TERF1: variants seen among roughly 807,000 people sequenced by gnomAD.
TERF1 encodes the protein telomeric repeat-binding factor 1.
A neutral mutation model predicts 55.1 loss-of-function variants in TERF1; 20 were observed. The observed-to-expected ratio is 0.36, with a 90% confidence interval of 0.26 to 0.53. The LOEUF (loss-of-function observed/expected upper bound fraction) is 0.53, where lower values mean the gene tolerates loss of function less well. Ranked by LOEUF, TERF1 falls within the 20% of genes least tolerant of loss-of-function variation. TERF1 has a pLI of 0.91. For missense variants in TERF1, 439 were observed against 535.7 expected (o/e 0.82, Z 1.78); for synonymous variants, 168 against 181.2 (o/e 0.93, Z 0.59).
intron 8 of TERF1, among the ~76,000 whole-genome samples, chr8:73,037,652 T>C: frequency 1.4e-5 from 1 of 70,046 alleles, no homozygotes; most frequent in Non-Finnish European, 2.6e-5. Context: ...TAATATATAT[T>C]ATATGTATAA....
intron 8 of TERF1, among the ~76,000 whole-genome samples, chr8:73,034,847 C>T (rs1317364525): frequency 6.6e-6 from 1 of 151,586 alleles, no homozygotes. Flanking sequence ...AAATAAAATG[C>T]CTTTGGTTAC....
At chr8:73,044,941 G>A (rs1251513110) in intron 9 of TERF1, among the ~76,000 whole-genome samples, 1 of 152,076 alleles carries the variant, frequency 6.6e-6, no homozygotes, top group Non-Finnish European at 1.5e-5. Context: ...GGACAGTTGG[G>A]TTGCATCCAC....
At chr8:73,022,165 CTA>C in intron 3 of TERF1, 49 bp from the exon 4 acceptor site, 1 of 1,108,008 alleles carries the variant, frequency 9.0e-7, no homozygotes, top group Middle Eastern at 2.9e-4. Context: ...AATTAAATAA[CTA>C]TTGGGTATTT....
chr8:73,037,802 A>G (rs1435451852), intron 8 of TERF1, among the ~76,000 whole-genome samples: 15 of 99,438 alleles, frequency 1.5e-4, no homozygotes, highest in African/African-American at 5.7e-4. Flanking sequence ...ATAGTATAAT[A>G]ATATATATAT....
rs549562946 is a variant in TERF1, at chr8:73,048,028, G to C, written c.*1891G>C. 6.6e-6 allele frequency: 1 copy of C among 152,274 alleles called. No homozygotes were observed. Among genetic ancestry groups the C allele is most frequent in the African/African-American group, 2.4e-5 (1 of 41,552 alleles). 9.4% of individuals were successfully genotyped at this position (152,274 alleles called of 1,614,324 possible). On this transcript the variant is annotated 3_prime_UTR_variant, in exon 10 of 10. Coordinates refer to ENST00000276603, the MANE Select transcript of TERF1 (RefSeq NM_017489.3). ...ACTTATTAGAAGAGCTATTTTAGAT[G>C]TATTTAAACATAAGATTTTTATCAC... is the stretch of plus-strand genomic sequence containing the variant.
intron 1 of TERF1, chr8:73,011,020 T>G (rs1229153136): frequency 6.6e-6 from 1 of 152,234 alleles, no homozygotes; most frequent in African/African-American, 2.4e-5. Context: ...AGAGGCACTG[T>G]CATCTTGTTC....
chr8:73,031,960 G>C, intron 7 of TERF1, 82 bp from the exon 8 acceptor site: 1 of 956,816 alleles, frequency 1.0e-6, no homozygotes, highest in Non-Finnish European at 1.6e-6. Context: ...TCCTAGAACA[G>C]ATTAAGGCAA....
intron 7 of TERF1, chr8:73,030,598 A>G (rs1224166260): frequency 1.5e-5 from 6 of 395,992 alleles, no homozygotes; most frequent in Non-Finnish European, 1.8e-5. Flanking sequence ...GTTGTTTCAC[A>G]TTGTTTCTAC....
At chr8:73,022,839 G>A (rs1412376883) in intron 4 of TERF1, among the ~76,000 whole-genome samples, 7 of 151,954 alleles carry the variant, frequency 4.6e-5, no homozygotes, top group Non-Finnish European at 8.8e-5. Flanking sequence ...TCCTGAGGTG[G>A]GAAGATTGCT....
intron 2 of TERF1, among the ~76,000 whole-genome samples, chr8:73,015,450 C>G (rs1420166096): frequency 1.3e-5 from 2 of 151,894 alleles, no homozygotes; most frequent in Non-Finnish European, 2.9e-5. Flanking sequence ...ACCTGTAATC[C>G]CAGTACTTTG....
intron 7 of TERF1, chr8:73,031,787 T>G (rs529475392): frequency 3.5e-6 from 1 of 282,760 alleles, no homozygotes; most frequent in African/African-American, 2.2e-5. Flanking sequence ...TTCTTTTTTT[T>G]GCCTGCTTCT....
At chr8:73,035,871 A>G (rs55776973) in intron 8 of TERF1, among the ~76,000 whole-genome samples, 2,819 of 152,256 alleles carry the variant, frequency 0.019, 82 homozygotes, top group African/African-American at 0.064. Flanking sequence ...TATCTTGACT[A>G]TTCTGGTGTT....
At chr8:73,037,730 T>G (rs1809625129) in intron 8 of TERF1, among the ~76,000 whole-genome samples, 1 of 88,104 alleles carries the variant, frequency 1.1e-5, no homozygotes, top group African/African-American at 5.0e-5. Flanking sequence ...ATATATTATA[T>G]AGTATGAAAT....
chr8:73,044,038 G>T (rs953882465), intron 9 of TERF1, among the ~76,000 whole-genome samples: 2 of 152,110 alleles, frequency 1.3e-5, no homozygotes, highest in African/African-American at 4.8e-5. Context: ...TGACCCCAAA[G>T]ATTAATAACC....
intron 8 of TERF1, among the ~76,000 whole-genome samples, chr8:73,037,403 GA>G (rs1809579448): frequency 9.3e-6 from 1 of 107,760 alleles, no homozygotes; most frequent in Non-Finnish European, 1.8e-5. Flanking sequence ...TATTTGGGGG[GA>G]AAATACATAT....
chr8:73,034,493 A>G (rs1809426895), intron 8 of TERF1, among the ~76,000 whole-genome samples: 1 of 152,084 alleles, frequency 6.6e-6, no homozygotes, highest in African/African-American at 2.4e-5. Flanking sequence ...TCTAACTCCC[A>G]AACTCAAGCA....
At chr8:73,041,655 C>T (rs1457232820) in intron 9 of TERF1, among the ~76,000 whole-genome samples, 1 of 152,100 alleles carries the variant, frequency 6.6e-6, no homozygotes, top group Non-Finnish European at 1.5e-5. Flanking sequence ...GTTAAGAAGA[C>T]CAGAACGCTT....
chr8:73,046,232 G>A lies in TERF1; in HGVS notation c.*95G>A. 8.7e-7 allele frequency: 1 copy of A among 1,144,540 alleles called. No individual in the cohort carries two copies. The highest frequency in any genetic ancestry group is 1.2e-6 in the Non-Finnish European group (1 of 836,280). 70.9% of individuals were successfully genotyped at this position (1,144,540 alleles called of 1,614,324 possible). ...GTCATTGATGTAATTTAAAACTTTTGTTTAAAGCATTACAGTATTTTTCTG... is the reference window on the plus strand; with the variant it reads ...GTCATTGATGTAATTTAAAACTTTTATTTAAAGCATTACAGTATTTTTCTG... On this transcript the variant is annotated 3_prime_UTR_variant, in exon 10 of 10. Coordinates refer to ENST00000276603, the MANE Select transcript of TERF1 (RefSeq NM_017489.3).
chr8:73,025,754 C>CAAAA (rs35028162), intron 5 of TERF1, among the ~76,000 whole-genome samples: 4 of 47,260 alleles, frequency 8.5e-5, no homozygotes, highest in Non-Finnish European at 1.1e-4. Flanking sequence ...GACTCTGTCT[C>CAAAA]AAAAAAAAAA....
Sources: gnomAD v4.1 joint callset for allele counts (sites outside exome capture counted in the v4.1 genomes callset) on GRCh38, gnomAD v4.1.1 for gene constraint, MANE v1.5 for transcripts, NCBI Gene and HGNC (gene_info 2026-07-23, HGNC 2026-07-21) for gene names.